Variants in DNAH5 observed in about 807,000 individuals in gnomAD.
DNAH5 encodes the protein axonemal beta dynein heavy chain 5.
A neutral mutation model predicts 518.2 loss-of-function variants in DNAH5; 372 were observed. The ratio of observed to expected loss-of-function variants is 0.72; its 90% CI spans 0.66 to 0.78. DNAH5 has a LOEUF of 0.78. DNAH5 is among the 30% of genes least tolerant of loss of function. DNAH5 has a pLI of 0.00. For synonymous variants in DNAH5, 2,039 were observed against 2,025.9 expected, an observed-to-expected ratio of 1.01 and a Z score of -0.17; for missense variants, 5,523 against 5,687.0, an observed-to-expected ratio of 0.97 and a Z score of 0.93.
At chr5:13,704,071 C>T (rs1266284910) in intron 76 of DNAH5, among the ~76,000 whole-genome samples, 1 of 152,120 alleles carries the variant, frequency 6.6e-6, no homozygotes, top group Non-Finnish European at 1.5e-5. Context: ...CTGTCTGGAC[C>T]CAAGGATGCA....
intron 38 of DNAH5, 120 bp from the exon 39 acceptor site, chr5:13,824,453 T>G (rs1418675494): frequency 1.0e-6 from 1 of 967,674 alleles, no homozygotes; most frequent in African/African-American, 1.6e-5. Flanking sequence ...CTTCAGAAAA[T>G]GCATACACAC....
intron 78 of DNAH5, among the ~76,000 whole-genome samples, chr5:13,695,779 T>G (rs1741291029): frequency 6.6e-6 from 1 of 152,134 alleles, no homozygotes; most frequent in South Asian, 2.1e-4. Flanking sequence ...GATAGAGATG[T>G]TATTCGACAC....
At chr5:13,702,436 G>A (rs1027228515) in intron 76 of DNAH5, among the ~76,000 whole-genome samples, 5 of 152,194 alleles carry the variant, frequency 3.3e-5, no homozygotes, top group Non-Finnish European at 7.3e-5. Context: ...AAAGAGATGT[G>A]TGTTTATACT....
At chr5:13,914,204 T>C (rs1346090404) in intron 10 of DNAH5, among the ~76,000 whole-genome samples, 1 of 152,114 alleles carries the variant, frequency 6.6e-6, no homozygotes, top group Non-Finnish European at 1.5e-5. Context: ...CTTGGTCCCA[T>C]GGTTTTGGTA....
At chr5:13,697,651 A>G (rs1741557970) in intron 78 of DNAH5, among the ~76,000 whole-genome samples, 1 of 152,228 alleles carries the variant, frequency 6.6e-6, no homozygotes, top group South Asian at 2.1e-4. Context: ...GTCTACCTGA[A>G]GAACCTCCTT....
At position 13,788,807 on chromosome 5, in the gene DNAH5, C is replaced by T. The variant is rs1186570443; in HGVS notation, c.8556G>A (p.Glu2852=). The T allele has an allele frequency of 2.5e-6, 4 of 1,614,130 alleles. No individual in the cohort carries two copies. In the South Asian group the frequency reaches 3.3e-5, roughly 13 times the overall value. ...WFDKALVSLV[E]EEFGEEKKLL... is the part of the protein sequence containing the mutation. ...GTTTTTTCTCTTCACCAAACTCCTC[C>T]TCTACCAAACTTACTAAAGCCTTAT... The change falls in exon 51 of 79, where the codon GAG becomes GAA. Residue 2852 remains glutamate (E), a synonymous_variant. Coordinates refer to ENST00000265104, the MANE Select transcript of DNAH5 (RefSeq NM_001369.3).
At chr5:13,924,675 CAAAA>C (rs5866075) in intron 3 of DNAH5, among the ~76,000 whole-genome samples, 3 of 112,812 alleles carry the variant, frequency 2.7e-5, no homozygotes, top group African/African-American at 3.1e-5. Flanking sequence ...AACTCCGTCT[CAAAA>C]AAAAAAAAAA....
chr5:13,853,274 A>G lies in DNAH5; in HGVS notation c.4951-2459T>C, dbSNP rs540603879. On this transcript the variant is annotated intron_variant, in intron 30 of 78. Transcript: ENST00000265104. ...GCAAACTCCAGAAGACCTGCAGAAG[A>G]CGGGCCTGTCTGTTAGAGGAACACT... Among the ~76,000 whole-genome samples the G allele has an allele frequency of 9.2e-5, 14 of 152,322 alleles. No individual in the cohort carries two copies. The East Asian group carries it at 1.9e-3, about 21-fold the overall frequency.
intron 65 of DNAH5, among the ~76,000 whole-genome samples, chr5:13,739,561 A>T (rs1561148232): frequency 6.6e-6 from 1 of 152,194 alleles, no homozygotes; most frequent in African/African-American, 2.4e-5. Context: ...CTAATACAGT[A>T]GGTTTTATAG....
At chr5:13,961,687 T>G (rs1170337250) in intron 1 of DNAH5, among the ~76,000 whole-genome samples, 1 of 152,016 alleles carries the variant, frequency 6.6e-6, no homozygotes, top group Admixed American at 6.6e-5. Context: ...TATGGTAAAG[T>G]GACTCGTCCA....
At chr5:13,978,757 A>C (rs1782460596) in intron 1 of DNAH5, among the ~76,000 whole-genome samples, 1 of 152,196 alleles carries the variant, frequency 6.6e-6, no homozygotes, top group South Asian at 2.1e-4. Context: ...TATAGCATCC[A>C]GGTTTGTAAG....
chr5:13,982,982 T>G (rs972935192), intron 1 of DNAH5, among the ~76,000 whole-genome samples: 1 of 152,234 alleles, frequency 6.6e-6, no homozygotes, highest in South Asian at 2.1e-4. Context: ...TCTGGTAGAT[T>G]AGGCAGCCAT....
chr5:13,977,905 T>C (rs1316482346), intron 1 of DNAH5, among the ~76,000 whole-genome samples: 1 of 152,026 alleles, frequency 6.6e-6, no homozygotes, highest in East Asian at 1.9e-4. Context: ...GGGAGAATCA[T>C]GAGAGGGAGA....
rs1021134402 is a variant in DNAH5 at position 13,859,692 on chromosome 5, T to G, written c.4797-87A>C. On this transcript the variant is annotated intron_variant, in intron 29 of 78. Coordinates refer to ENST00000265104, the MANE Select transcript of DNAH5 (RefSeq NM_001369.3). ...AAAAGGTTTTTAAAAATCTTAATTT[T>G]TAACCGCTTTCTTTACAACCTTAAT... The G allele has an allele frequency of 8.2e-6, 11 of 1,348,622 alleles. No individual in the cohort carries two copies. The African/African-American group carries it at 1.4e-4, about 18-fold the overall frequency. The allele number at this position is 1,348,622 out of a possible 1,614,324, so 83.5% of individuals were successfully genotyped here.
At position 13,730,690 on chromosome 5, in the gene DNAH5, T is replaced by C. The variant is rs997277726; in HGVS notation, c.11762-1130A>G. Among the ~76,000 whole-genome samples the C allele has an allele frequency of 6.6e-5, 10 of 150,934 alleles. No homozygotes were observed. In the East Asian group the frequency reaches 2.0e-3, roughly 30 times the overall value. On this transcript the variant is annotated intron_variant, in intron 68 of 78. Coordinates refer to ENST00000265104, the MANE Select transcript of DNAH5 (RefSeq NM_001369.3). Reference sequence around the variant, plus strand: ...ACCTCGTGGTCTGCCCACCTCGGCCTCCCAAAGTGCTGTTATTTTTTTTTT... The same window carrying C: ...ACCTCGTGGTCTGCCCACCTCGGCCCCCCAAAGTGCTGTTATTTTTTTTTT...
At chr5:13,800,379 C>A (rs1758561159) in intron 47 of DNAH5, among the ~76,000 whole-genome samples, 1 of 152,166 alleles carries the variant, frequency 6.6e-6, no homozygotes, top group South Asian at 2.1e-4. Context: ...CATATTCAAA[C>A]ATAAACTCCA....
At chr5:13,918,677 C>T (rs1776918487) in intron 7 of DNAH5, among the ~76,000 whole-genome samples, 1 of 152,120 alleles carries the variant, frequency 6.6e-6, no homozygotes, top group Non-Finnish European at 1.5e-5. Flanking sequence ...ACCATATTGG[C>T]CAGGCTGGTC....
At chr5:13,813,775 A>T (rs1190571873) in intron 43 of DNAH5, among the ~76,000 whole-genome samples, 2 of 152,220 alleles carry the variant, frequency 1.3e-5, no homozygotes, top group Non-Finnish European at 2.9e-5. Context: ...CTGGAAAGAC[A>T]TTAGTAAAAA....
At chr5:13,901,668 A>G (rs1255416064) in intron 13 of DNAH5, 95 bp from the exon 14 acceptor site, 1 of 751,960 alleles carries the variant, frequency 1.3e-6, no homozygotes, top group Non-Finnish European at 2.0e-6. Flanking sequence ...ATTAATATTT[A>G]TTTTTTAAAA....
Sources: allele counts gnomAD v4.1 joint callset (sites outside exome capture counted in the v4.1 genomes callset), GRCh38; gene constraint gnomAD v4.1.1; transcripts MANE v1.5; gene names NCBI Gene and HGNC (gene_info 2026-07-23, HGNC 2026-07-21).